Variants in CERT1 observed in about 807,000 individuals in gnomAD.
CERT1 encodes the protein ceramide transfer protein.
CERT1 carries 31 observed loss-of-function variants against 87.9 expected under a neutral mutation model. That is an observed-to-expected ratio of 0.35 (90% CI 0.27 to 0.48). CERT1 has a LOEUF of 0.48. Ranked by LOEUF, CERT1 falls within the 20% of genes least tolerant of loss-of-function variation. The pLI, the probability that CERT1 is intolerant of heterozygous loss-of-function variation, is 0.99. For missense variants in CERT1, 487 were observed against 758.0 expected, an observed-to-expected ratio of 0.64 and a Z score of 4.20; for synonymous variants, 289 against 250.9, an observed-to-expected ratio of 1.15 and a Z score of -1.44.
chr5:75,446,784 ACTTT>A (rs1490026073), intron 3 of CERT1, among the ~76,000 whole-genome samples: 2 of 152,114 alleles, frequency 1.3e-5, no homozygotes, highest in African/African-American at 4.8e-5. Context: ...CACAATCATC[ACTTT>A]CTAATTTTTT....
chr5:75,454,942 G>A (rs963318359), intron 3 of CERT1, among the ~76,000 whole-genome samples: 5 of 152,130 alleles, frequency 3.3e-5, no homozygotes, highest in African/African-American at 4.8e-5. Context: ...AACTGGTGAC[G>A]ACCAGCTCAG....
At chr5:75,507,272 C>A (rs183078143) in intron 1 of CERT1, among the ~76,000 whole-genome samples, 1 of 152,084 alleles carries the variant, frequency 6.6e-6, no homozygotes, top group Non-Finnish European at 1.5e-5. Flanking sequence ...GTGTGCACCC[C>A]CACATCTGGC....
chr5:75,407,168 A>G (rs1762740031), intron 8 of CERT1, among the ~76,000 whole-genome samples: 1 of 152,202 alleles, frequency 6.6e-6, no homozygotes, highest in Non-Finnish European at 1.5e-5. Flanking sequence ...ACTAAGAAAG[A>G]GTAAAGTGCA....
Position 75,455,177 on chromosome 5 carries a change from CT to C in CERT1, c.348+3887del, listed in dbSNP as rs200457408. Among the ~76,000 whole-genome samples the C allele has an allele frequency of 2.1e-3, 317 of 152,344 alleles. 1 individual carries two copies. The East Asian group carries it at 0.027, about 13-fold the overall frequency. ...AGGGCCCAATTCTTCTTCACAATGT[CT>C]TGACTGCACATTGCACAACCAATGT... On this transcript the variant is annotated intron_variant, in intron 3 of 16. Coordinates refer to ENST00000643780, the MANE Select transcript of CERT1 (RefSeq NM_001379029.1).
intron 2 of CERT1, among the ~76,000 whole-genome samples, chr5:75,463,838 A>G (rs1018476318): frequency 2.0e-5 from 3 of 152,224 alleles, no homozygotes; most frequent in East Asian, 1.9e-4. Flanking sequence ...GTGTGGAAAC[A>G]TAAGACTTAG....
chr5:75,494,667 T>C lies in CERT1; in HGVS notation c.231+11315A>G, dbSNP rs149664552. On this transcript the variant is annotated intron_variant, in intron 2 of 16. Coordinates refer to ENST00000643780, the MANE Select transcript of CERT1 (RefSeq NM_001379029.1). ...GGTATCCAGAACTGCTACAATGTTA[T>C]ATAATTATGATGTAGATCTAGTTTT... Among the ~76,000 whole-genome samples the C allele has an allele frequency of 1.7e-3, 252 of 152,344 alleles. 1 individual carries two copies. The highest frequency in any genetic ancestry group is 1.9e-3 in the Non-Finnish European group (131 of 68,028).
chr5:75,439,002 T>A (rs1259860867), intron 3 of CERT1, among the ~76,000 whole-genome samples: 12 of 151,774 alleles, frequency 7.9e-5, no homozygotes, highest in Admixed American at 7.9e-4. Flanking sequence ...AGGAGGTCAG[T>A]AATATTTTTC....
intron 2 of CERT1, among the ~76,000 whole-genome samples, chr5:75,470,858 C>T (rs1668423304): frequency 6.6e-6 from 1 of 151,912 alleles, no homozygotes; most frequent in Admixed American, 6.6e-5. Context: ...ACCAAAATAC[C>T]GTCAGAACTA....
chr5:75,394,559 A>G (rs908291307), intron 11 of CERT1, among the ~76,000 whole-genome samples: 6 of 152,208 alleles, frequency 3.9e-5, no homozygotes, highest in East Asian at 1.9e-4. Context: ...CTCTGCTACA[A>G]ATAAAAAAAT....
chr5:75,508,372 T>G (rs1767756799), intron 1 of CERT1, among the ~76,000 whole-genome samples: 1 of 152,212 alleles, frequency 6.6e-6, no homozygotes, highest in African/African-American at 2.4e-5. Context: ...AGCTTAACCT[T>G]CAGCATTTCT....
At chr5:75,372,951 G>A (rs1580679347), downstream of CERT1, 2 of 152,180 alleles carry the variant, frequency 1.3e-5, no homozygotes, top group Middle Eastern at 3.2e-3. Context: ...ATTTTGAAGT[G>A]GGCAGTCATT....
chr5:75,406,317 GCTAAGAGGTTCTTTCCTC>G (rs947355434), intron 8 of CERT1, among the ~76,000 whole-genome samples: 4 of 152,332 alleles, frequency 2.6e-5, no homozygotes, highest in East Asian at 3.9e-4. Context: ...TAAGGTTTCT[GCTAAGAGGTTCTTTCCTC>G]CTAAGAGGTT....
In CERT1 at chr5:75,441,394, T is replaced by C. The variant is rs537424676; in HGVS notation, c.349-14916A>G. 5.9e-5 allele frequency among the ~76,000 whole-genome samples: 9 copies of C among 152,342 alleles called. No homozygotes were observed. The South Asian group carries it at 1.9e-3, about 32-fold the overall frequency. On this transcript the variant is annotated intron_variant, in intron 3 of 16. Transcript: ENST00000643780. ...TGCATTTCTCAGAATGCATCTCTATTGTTAAGAACGTGGGTATTTGTTATA... is the reference window on the plus strand; with the variant it reads ...TGCATTTCTCAGAATGCATCTCTATCGTTAAGAACGTGGGTATTTGTTATA...
chr5:75,425,076 C>A (rs1420390888), intron 5 of CERT1, among the ~76,000 whole-genome samples: 1 of 152,098 alleles, frequency 6.6e-6, no homozygotes, highest in Non-Finnish European at 1.5e-5. Context: ...TATGATCGCG[C>A]CACTGCACTC....
At chr5:75,511,086 G>T (rs1166799876) in intron 1 of CERT1, 26 bp downstream of exon 1, 2 of 1,522,782 alleles carry the variant, frequency 1.3e-6, no homozygotes, top group African/African-American at 2.8e-5. Context: ...CTGGCCAGGG[G>T]TCCCTTGGCA....
chr5:75,422,711 T>C (rs1018123712), intron 5 of CERT1, among the ~76,000 whole-genome samples: 3 of 152,152 alleles, frequency 2.0e-5, no homozygotes, highest in Non-Finnish European at 4.4e-5. Context: ...GTCTCAGAAA[T>C]TCATATGTTG....
At chr5:75,462,990 C>CAAAAA (rs1174306526) in intron 2 of CERT1, among the ~76,000 whole-genome samples, 10 of 38,858 alleles carry the variant, frequency 2.6e-4, no homozygotes, top group African/African-American at 6.7e-4. Flanking sequence ...GACTCCGTCT[C>CAAAAA]AAAAAAAAAA....
chr5:75,420,406 C>T (rs371459826), intron 5 of CERT1, among the ~76,000 whole-genome samples: 70 of 149,416 alleles, frequency 4.7e-4, no homozygotes, highest in African/African-American at 1.6e-3. Context: ...TGCAGTGGCG[C>T]GATCTCGGCT....
intron 11 of CERT1, among the ~76,000 whole-genome samples, chr5:75,396,469 G>A (rs1312632435): frequency 1.3e-5 from 2 of 152,142 alleles, no homozygotes; most frequent in Non-Finnish European, 2.9e-5. Flanking sequence ...GCTCATGCCT[G>A]TAATCCCAGC....
Sources: gnomAD v4.1 joint callset for allele counts (sites outside exome capture counted in the v4.1 genomes callset) on GRCh38, gnomAD v4.1.1 for gene constraint, MANE v1.5 for transcripts, NCBI Gene and HGNC (gene_info 2026-07-23, HGNC 2026-07-21) for gene names.